C11orf54: variants seen among roughly 807,000 people sequenced by gnomAD.
The protein encoded by C11orf54 is beta-keto L-gulonate decarboxylase.
Under a neutral mutation model 35.5 loss-of-function variants are expected in C11orf54, and 29 were observed. The observed-to-expected ratio is 0.82, with a 90% confidence interval of 0.61 to 1.11. C11orf54 has a LOEUF of 1.11. Ranked by LOEUF, C11orf54 falls within the 50% of genes most tolerant of loss-of-function variation. The probability of loss-of-function intolerance (pLI) is 0.00; values close to 1 mark genes in which losing one functional copy is unlikely to be tolerated. For missense variants in C11orf54, 373 were observed against 369.2 expected (o/e 1.01, Z -0.08); for synonymous variants, 108 against 121.1 (o/e 0.89, Z 0.71).
intron 7 of C11orf54, among the ~76,000 whole-genome samples, chr11:93,758,381 C>T (rs1254217051): frequency 6.6e-6 from 1 of 152,214 alleles, no homozygotes; most frequent in South Asian, 2.1e-4. Context: ...CTCAAACCCG[C>T]GGCTGCAGAC....
chr11:93,746,649 A>G (rs934026021), intron 1 of C11orf54: 1 of 152,196 alleles, frequency 6.6e-6, no homozygotes, highest in African/African-American at 2.4e-5. Flanking sequence ...AAGTATGTTT[A>G]TTTGTAAATG....
intron 6 of C11orf54, 146 bp from the exon 7 acceptor site, chr11:93,757,170 C>A: frequency 1.3e-6 from 1 of 762,118 alleles, no homozygotes; most frequent in Non-Finnish European, 2.0e-6. Context: ...GATCAAAATT[C>A]ACGGGATTGC....
At position 93,755,339 on chromosome 11, in the gene C11orf54, T is replaced by C. The variant is rs1277278636; in HGVS notation, c.460T>C (p.Cys154Arg). The C allele has an allele frequency of 6.2e-7, 1 of 1,614,178 alleles. No homozygotes were observed. Among genetic ancestry groups the C allele is most frequent in the Non-Finnish European group, 8.5e-7 (1 of 1,180,036 alleles). Residue 154 changes from cysteine to arginine, a missense_variant, in exon 6 of 9, where the codon TGT becomes CGT. Physicochemically the swap from Cys to Arg is radical, Grantham distance 180. Transcript: ENST00000354421. ...CAGTGAGAAATGTCATGATTTTCAGTGTGCATTACTGGCTAATCTTTTTGC... is the reference window on the plus strand; with the variant it reads ...CAGTGAGAAATGTCATGATTTTCAGCGTGCATTACTGGCTAATCTTTTTGC... Reference protein sequence around the residue: ...KYSEKCHDFQCALLANLFASE... With the variant: ...KYSEKCHDFQRALLANLFASE...
chr11:93,747,776 C>A (rs1320981586), intron 2 of C11orf54, among the ~76,000 whole-genome samples: 1 of 151,986 alleles, frequency 6.6e-6, no homozygotes, highest in Admixed American at 6.6e-5. Context: ...CCCAAAGAGT[C>A]GCAAAATTTT....
intron 3 of C11orf54, among the ~76,000 whole-genome samples, chr11:93,752,810 G>A (rs1651787): frequency 3.5e-5 from 5 of 143,660 alleles, no homozygotes; most frequent in South Asian, 2.2e-4. Context: ...GTGCAGTGGC[G>A]CGATCTCGGC....
chr11:93,757,186 C>G (rs1474851291), intron 6 of C11orf54, 130 bp from the exon 7 acceptor site: 1 of 960,328 alleles, frequency 1.0e-6, no homozygotes, highest in Non-Finnish European at 1.5e-6. Context: ...ATTGCAACAT[C>G]TCAACTCAGA....
At chr11:93,757,771 C>A (rs1591362682) in intron 7 of C11orf54, among the ~76,000 whole-genome samples, 1 of 152,172 alleles carries the variant, frequency 6.6e-6, no homozygotes, top group Admixed American at 6.5e-5. Flanking sequence ...TCAGCTGATC[C>A]ACCTGTCTCG....
At position 93,761,850 on chromosome 11, in the gene C11orf54, A is replaced by C; in HGVS notation, c.*162A>C. 1 of 586,620 alleles carries C rather than the reference A, an allele frequency of 1.7e-6. No individual in the cohort carries two copies. The highest frequency in any genetic ancestry group is 2.6e-6 in the Non-Finnish European group (1 of 386,002). The allele number at this position is 586,620 out of a possible 1,614,324, so 36.3% of individuals were successfully genotyped here. A position where few individuals can be genotyped will look rare whatever the true frequency, so the allele number is the denominator to read the frequency against. ...TTTGGGAGGCTGAGGCAGGAAGCAC[A>C]CTGGAGCCCAGGAGTTTGAGACCAG... On this transcript the variant is annotated 3_prime_UTR_variant, in exon 9 of 9. Coordinates refer to ENST00000354421, the MANE Select transcript of C11orf54 (RefSeq NM_001286069.2).
rs1036534365 is a variant in C11orf54 at position 93,763,756 on chromosome 11, A to G, written c.*2068A>G. ...GGGCAACACAGTGAGACCCTGTCTC[A>G]AAAAGAAAAAAAAAATGACTGATGA... On this transcript the variant is annotated 3_prime_UTR_variant, in exon 9 of 9. Coordinates refer to ENST00000354421, the MANE Select transcript of C11orf54 (RefSeq NM_001286069.2). 6.6e-6 allele frequency: 1 copy of G among 152,384 alleles called. No homozygotes were observed. Among genetic ancestry groups the G allele is most frequent in the Admixed American group, 6.6e-5 (1 of 15,248 alleles). The allele number at this position is 152,384 out of a possible 1,614,324, so 9.4% of individuals were successfully genotyped here. A position where few individuals can be genotyped will look rare whatever the true frequency, so the allele number is the denominator to read the frequency against.
In C11orf54 at chr11:93,753,761, T is replaced by G. The variant is rs762741615; in HGVS notation, c.228+6T>G. 5 of 1,612,860 alleles carry G rather than the reference T, an allele frequency of 3.1e-6. No homozygotes were observed. In the East Asian group the frequency reaches 8.9e-5, roughly 29 times the overall value. ...CTCTTGTAAACCAAAAAAAAGTAAG[T>G]ACTTTTACTCTGCATATTCACATGA... On this transcript the variant is annotated splice_donor_region_variant and intron_variant, in intron 4 of 8. Coordinates refer to ENST00000354421, the MANE Select transcript of C11orf54 (RefSeq NM_001286069.2).
rs71064782 is a variant in C11orf54, at chr11:93,756,330, AT to A, written c.507+955del. Among the ~76,000 whole-genome samples, 56 of 146,370 alleles carry A rather than the reference AT, an allele frequency of 3.8e-4. No individual in the cohort carries two copies. In the East Asian group the frequency reaches 0.01, roughly 26 times the overall value. The stretch of plus-strand genomic sequence containing the variant: ...ACCCTGTCAAAAAAAAAAAAAAAAA[AT>A]TTTTTTTTTTAATTAGCCAGGTGTG... On this transcript the variant is annotated intron_variant, in intron 6 of 8. Transcript: ENST00000354421.
chr11:93,743,048 G>A (rs182144901), intron 1 of C11orf54: 1 of 151,710 alleles, frequency 6.6e-6, no homozygotes, highest in South Asian at 2.1e-4. Context: ...GCCCAGGCTG[G>A]AGTGCAGTGT....
intron 1 of C11orf54, among the ~76,000 whole-genome samples, chr11:93,742,346 C>T (rs1042842888): frequency 6.6e-6 from 1 of 151,172 alleles, no homozygotes; most frequent in African/African-American, 2.4e-5. Context: ...TGCAACGGTG[C>T]GATCTTGGCT....
At chr11:93,760,712 G>A (rs1304393787) in intron 8 of C11orf54, among the ~76,000 whole-genome samples, 1 of 152,074 alleles carries the variant, frequency 6.6e-6, no homozygotes, top group Non-Finnish European at 1.5e-5. Flanking sequence ...AGGCTGGAGT[G>A]CAGTGATGCA....
At chr11:93,749,460 C>G (rs927674092) in intron 2 of C11orf54, among the ~76,000 whole-genome samples, 1 of 123,784 alleles carries the variant, frequency 8.1e-6, no homozygotes, top group African/African-American at 3.0e-5. Context: ...GCACTCCAGT[C>G]TGGGCGACAG....
intron 7 of C11orf54, among the ~76,000 whole-genome samples, chr11:93,758,350 G>T (rs897104211): frequency 6.6e-6 from 1 of 152,222 alleles, no homozygotes; most frequent in African/African-American, 2.4e-5. Context: ...AGCCCCAACT[G>T]CCCAGGCGCA....
intron 6 of C11orf54, among the ~76,000 whole-genome samples, chr11:93,756,167 C>CAAAA (rs1210508995): frequency 0.012 from 321 of 26,784 alleles, 5 homozygotes; most frequent in Middle Eastern, 0.042. Flanking sequence ...ACTCTGTCTC[C>CAAAA]AAAAAAAAAA....
At chr11:93,742,422 TA>T (rs1235774734) in intron 1 of C11orf54, among the ~76,000 whole-genome samples, 2 of 152,126 alleles carry the variant, frequency 1.3e-5, no homozygotes, top group African/African-American at 4.8e-5. Flanking sequence ...TAGCTGAGAT[TA>T]CAGGCGTGCG....
In C11orf54 at chr11:93,754,023, G is replaced by A. The variant is rs111749614; in HGVS notation, c.316G>A (p.Gly106Arg). The change falls in exon 5 of 9, where the codon GGG becomes AGG. Residue 106 changes from glycine to arginine, a missense_variant. Transcript: ENST00000354421. ...AGGAGCAGGTCCATTTCAGACTCTC[G>A]GGTTCAATTCTGAGGTCAGCATATA... The part of the protein sequence containing the change: ...GAGAGPFQTL[G>R]FNSEFMPVIQ... The A allele has an allele frequency of 3.1e-4, 494 of 1,613,742 alleles. 2 individuals carry two copies. In the African/African-American group the frequency reaches 5.2e-3, roughly 17 times the overall value.
Sources: allele counts gnomAD v4.1 joint callset (sites outside exome capture counted in the v4.1 genomes callset), GRCh38; gene constraint gnomAD v4.1.1; transcripts MANE v1.5; gene names NCBI Gene and HGNC (gene_info 2026-07-23, HGNC 2026-07-21).